Variants in TLE3 observed in about 807,000 individuals in gnomAD.
TLE3 encodes the protein transducin-like enhancer protein 3.
A neutral mutation model predicts 93.0 loss-of-function variants in TLE3; 14 were observed. The ratio of observed to expected loss-of-function variants is 0.15; its 90% confidence interval spans 0.10 to 0.24. TLE3 has a LOEUF of 0.24. Among genes scored for constraint, TLE3 ranks in the 10% least tolerant of loss-of-function variants. The probability of loss-of-function intolerance (pLI) is 1.00; values close to 1 mark genes in which losing one functional copy is unlikely to be tolerated. For missense variants in TLE3, 693 were observed against 1,046.6 expected, an observed-to-expected ratio of 0.66 and a Z score of 4.66; for synonymous variants, 451 against 425.0, an observed-to-expected ratio of 1.06 and a Z score of -0.75.
chr15:70,061,094 A>C (rs1456292077), intron 8 of TLE3, among the ~76,000 whole-genome samples: 1 of 152,126 alleles, frequency 6.6e-6, no homozygotes, highest in East Asian at 1.9e-4. Context: ...GCCATGAGCA[A>C]TACTTCATTT....
Position 70,097,615 on chromosome 15 carries a change from G to A in TLE3, c.-817C>T, listed in dbSNP as rs572517361. The A allele has an allele frequency of 4.5e-5, 18 of 398,390 alleles. No individual in the cohort carries two copies. The highest frequency in any genetic ancestry group is 2.7e-4 in the African/African-American group (13 of 48,718). The allele number at this position is 398,390 out of a possible 1,614,324, so 24.7% of individuals were successfully genotyped here. A position where few individuals can be genotyped will look rare whatever the true frequency, so the allele number is the denominator to read the frequency against. ...CCAGCTTGAGCACCGCGTCCCCACCGAGGAGCGCTCAGCGCCACCGCCGCT... is the reference window on the plus strand; with the variant it reads ...CCAGCTTGAGCACCGCGTCCCCACCAAGGAGCGCTCAGCGCCACCGCCGCT... On this transcript the variant is annotated 5_prime_UTR_variant, in exon 1 of 20. Transcript: ENST00000451782.
At chr15:70,051,604 A>G (rs2055550651) in intron 18 of TLE3, 137 bp from the exon 19 acceptor site, 1 of 327,100 alleles carries the variant, frequency 3.1e-6, no homozygotes, top group Non-Finnish European at 4.8e-6. Flanking sequence ...TTCGAGAGGC[A>G]TTTTGCAAAT....
chr15:70,084,944 T>C (rs1423573553), intron 4 of TLE3, among the ~76,000 whole-genome samples: 1 of 152,240 alleles, frequency 6.6e-6, no homozygotes, highest in Non-Finnish European at 1.5e-5. Context: ...TGGCACTCCC[T>C]ATAACTGTAA....
chr15:70,060,591 G>T lies in TLE3; in HGVS notation c.653C>A (p.Ala218Glu). The T allele has an allele frequency of 6.2e-7, 1 of 1,613,960 alleles. No homozygotes were observed. The highest frequency in any genetic ancestry group is 8.5e-7 in the Non-Finnish European group (1 of 1,179,866). Residue 218 changes from alanine (A) to glutamate (E), a missense_variant, in exon 9 of 20, where the codon GCG (alanine) becomes GAG (glutamate). Ala to Glu is a moderately radical substitution (Grantham distance 107, BLOSUM62 -1). Coordinates refer to ENST00000451782, the MANE Select transcript of TLE3 (RefSeq NM_001105192.3). ...CTTCTTGGCTTCCATGCTGTAGTCC[G>T]CAGAGCCCCGGTGCTTCTCACTGGC... ...LRASEKHRGS[A>E]DYSMEAKKRK...
At chr15:70,054,744 A>T in intron 15 of TLE3, 59 bp from the exon 16 acceptor site, 9 of 1,488,130 alleles carry the variant, frequency 6.0e-6, no homozygotes, top group Non-Finnish European at 8.1e-6. Context: ...GCACCAGGAG[A>T]GTCCTGTCCA....
chr15:70,053,101 G>T, intron 17 of TLE3, 126 bp downstream of exon 17: 1 of 1,276,750 alleles, frequency 7.8e-7, no homozygotes, highest in Non-Finnish European at 1.1e-6. Flanking sequence ...GATGGCTCAG[G>T]TTGGTCCCAA....
At chr15:70,082,711 C>T (rs543035310) in intron 4 of TLE3, among the ~76,000 whole-genome samples, 3 of 152,216 alleles carry the variant, frequency 2.0e-5, no homozygotes, top group Non-Finnish European at 2.9e-5. Context: ...CTGTCTCCTC[C>T]GGAAGGGAAG....
intron 3 of TLE3, chr15:70,094,819 C>T: frequency 2.0e-6 from 1 of 507,288 alleles, no homozygotes; most frequent in South Asian, 2.7e-5. Flanking sequence ...CCTTCCCTCC[C>T]ACAAGCACCA....
intron 19 of TLE3, 112 bp downstream of exon 19, chr15:70,051,279 T>A: frequency 8.9e-7 from 1 of 1,124,092 alleles, no homozygotes; most frequent in Non-Finnish European, 1.3e-6. Context: ...GCAGGTCTGA[T>A]CCTGGCTCCA....
At position 70,097,493 on chromosome 15, in the gene TLE3, C is replaced by G; in HGVS notation, c.-695G>C. 2.4e-6 allele frequency: 1 copy of G among 408,966 alleles called. No homozygotes were observed. The highest frequency in any genetic ancestry group is 3.5e-5 in the East Asian group (1 of 28,310). The allele number at this position is 408,966 out of a possible 1,614,324, so 25.3% of individuals were successfully genotyped here. A position where few individuals can be genotyped will look rare whatever the true frequency, so the allele number is the denominator to read the frequency against. On this transcript the variant is annotated 5_prime_UTR_variant, in exon 1 of 20. Coordinates refer to ENST00000451782, the MANE Select transcript of TLE3 (RefSeq NM_001105192.3). ...CGCCGCTGCAAGCCCTTCCCAGGGC[C>G]GGGGAGGAACTCCGGGCTCAGTAGG...
chr15:70,055,223 G>A lies in TLE3; in HGVS notation c.1404C>T (p.Pro468=), dbSNP rs370946243. 42 of 1,613,132 alleles carry A rather than the reference G, an allele frequency of 2.6e-5. No homozygotes were observed. In the South Asian group the frequency reaches 2.6e-4, roughly 10 times the overall value. Residue 468 remains proline, a synonymous_variant, in exon 15 of 20, where the codon CCC becomes CCT. Coordinates refer to ENST00000451782, the MANE Select transcript of TLE3 (RefSeq NM_001105192.3). Reference sequence around the variant, plus strand: ...TCTGCCGGGCGTGCCTCGGGATGCCGGGGCCTGCCAGGGCGTCGTGGGGGA... The same window carrying A: ...TCTGCCGGGCGTGCCTCGGGATGCCAGGGCCTGCCAGGGCGTCGTGGGGGA... ...VPFPHDALAG[P]GIPRHARQIN... is the part of the protein sequence containing the mutation.
In TLE3 at chr15:70,053,477, A is replaced by G. The variant is rs140449887; in HGVS notation, c.1827-103T>C. On this transcript the variant is annotated intron_variant, in intron 16 of 19. Transcript: ENST00000451782. Reference sequence around the variant, plus strand: ...TGAGCAGAAGAGAAAACTGAGGCCCAGAAGAGTGCACTATGCGCATGGTCC... The same window carrying G: ...TGAGCAGAAGAGAAAACTGAGGCCCGGAAGAGTGCACTATGCGCATGGTCC... 2.2e-6 allele frequency: 3 copies of G among 1,365,616 alleles called. No individual in the cohort carries two copies. In the African/African-American group the frequency reaches 4.3e-5, roughly 20 times the overall value. 84.6% of individuals were successfully genotyped at this position (1,365,616 alleles called of 1,614,324 possible).
chr15:70,096,865 G>C lies in TLE3; in HGVS notation c.-67C>G. 6.3e-7 allele frequency: 1 copy of C among 1,579,374 alleles called. No individual in the cohort carries two copies. The highest frequency in any genetic ancestry group is 2.3e-4 in the Middle Eastern group (1 of 4,428). On this transcript the variant is annotated 5_prime_UTR_variant, in exon 1 of 20. Transcript: ENST00000451782. ...GAGCCCGGGCCGGGGAGGTGCGGGG[G>C]AGGGGGGAGCCGAGCCCGAGCGGGG... is the stretch of plus-strand genomic sequence containing the variant.
chr15:70,082,896 G>A (rs1278202560), intron 4 of TLE3, among the ~76,000 whole-genome samples: 3 of 152,176 alleles, frequency 2.0e-5, no homozygotes, highest in Non-Finnish European at 4.4e-5. Context: ...GGGTTGGGAC[G>A]ACCCTTCTGC....
Position 70,060,656 on chromosome 15 carries a change from G to A in TLE3, c.595-7C>T, listed in dbSNP as rs756939942. On this transcript the variant is annotated splice_region_variant and splice_polypyrimidine_tract_variant and intron_variant, in intron 8 of 19. Coordinates refer to ENST00000451782, the MANE Select transcript of TLE3 (RefSeq NM_001105192.3). ...AGGGTGACACAGAGTTATTCTGGAAGGAAAAAGAGGGTTCGGGGTTAAAAC... is the reference window on the plus strand; with the variant it reads ...AGGGTGACACAGAGTTATTCTGGAAAGAAAAAGAGGGTTCGGGGTTAAAAC... 1 of 1,613,376 alleles carries A rather than the reference G, an allele frequency of 6.2e-7. No homozygotes were observed. The highest frequency in any genetic ancestry group is 1.3e-5 in the African/African-American group (1 of 75,034).
intron 8 of TLE3, among the ~76,000 whole-genome samples, chr15:70,063,594 C>A (rs905195182): frequency 5.9e-5 from 9 of 152,332 alleles, no homozygotes; most frequent in Admixed American, 2.0e-4. Context: ...TCCTACTTAA[C>A]ACGAGGTAAT....
rs141137386 is a variant in TLE3, at chr15:70,080,136, C to T, written c.235-3978G>A. On this transcript the variant is annotated intron_variant, in intron 4 of 19. Coordinates refer to ENST00000451782, the MANE Select transcript of TLE3 (RefSeq NM_001105192.3). ...CACAAATCACAAACTGGAACTCGAT[C>T]GTATGTTGGAAAACTCCTTTTGGCA... Among the ~76,000 whole-genome samples, 757 of 151,826 alleles carry T rather than the reference C, an allele frequency of 5.0e-3. 7 individuals are homozygous for T. The highest frequency in any genetic ancestry group is 0.017 in the African/African-American group (718 of 41,412).
chr15:70,070,993 A>G (rs3784665), intron 6 of TLE3, among the ~76,000 whole-genome samples: 37,198 of 152,086 alleles, frequency 0.24, 5,592 homozygotes, highest in Admixed American at 0.37. Flanking sequence ...TTCCAAGGGA[A>G]TGAAGACCAA....
intron 9 of TLE3, among the ~76,000 whole-genome samples, chr15:70,059,719 T>A (rs2056339429): frequency 6.6e-6 from 1 of 152,150 alleles, no homozygotes. Context: ...TGACACCCGC[T>A]CCATCATAGC....
Sources: gnomAD v4.1 joint callset for allele counts (sites outside exome capture counted in the v4.1 genomes callset) on GRCh38, gnomAD v4.1.1 for gene constraint, MANE v1.5 for transcripts, NCBI Gene and HGNC (gene_info 2026-07-23, HGNC 2026-07-21) for gene names.